Variants in FHAD1 observed in about 807,000 individuals in gnomAD.
FHAD1 encodes forkhead associated phosphopeptide binding domain 1.
In FHAD1, 146 loss-of-function variants were observed where a neutral mutation model predicts 191.3. That is an observed-to-expected ratio of 0.76 (90% confidence interval 0.67 to 0.88). FHAD1 has a LOEUF of 0.88. FHAD1 is among the 40% of genes least tolerant of loss of function. The pLI is 0.00. For synonymous variants in FHAD1, 616 were observed against 672.3 expected (o/e 0.92, Z 1.29); for missense variants, 1,635 against 1,785.8 (o/e 0.92, Z 1.52).
intron 31 of FHAD1, chr1:15,383,899 C>A: frequency 2.3e-6 from 1 of 444,390 alleles, no homozygotes; most frequent in Non-Finnish European, 4.5e-6. Context: ...ATCCCTCTGA[C>A]CCTGGTTCTC....
intron 2 of FHAD1, among the ~76,000 whole-genome samples, chr1:15,254,075 C>T (rs907396142): frequency 6.6e-6 from 1 of 151,868 alleles, no homozygotes; most frequent in African/African-American, 2.4e-5. Flanking sequence ...GACATGGTCT[C>T]CCTACAAGGA....
In FHAD1 at chr1:15,370,439, T is replaced by C. The variant is rs144710858; in HGVS notation, c.3447+937T>C. On this transcript the variant is annotated intron_variant, in intron 26 of 33. Transcript: ENST00000688493. ...TAAATGGTTGTGTAGAATTCCACTGTGTTTCTTTTTTCCAACCAGTCCCCT... is the reference window on the plus strand; with the variant it reads ...TAAATGGTTGTGTAGAATTCCACTGCGTTTCTTTTTTCCAACCAGTCCCCT... Among the ~76,000 whole-genome samples, 15 of 152,310 alleles carry C rather than the reference T, an allele frequency of 9.8e-5. No homozygotes were observed. The East Asian group carries it at 2.9e-3, about 29-fold the overall frequency.
intron 19 of FHAD1, among the ~76,000 whole-genome samples, chr1:15,349,697 A>G (rs550001372): frequency 2.6e-5 from 4 of 152,232 alleles, no homozygotes; most frequent in Non-Finnish European, 4.4e-5. Flanking sequence ...AGGTAGGTGC[A>G]TAGTAAGCAC....
At chr1:15,322,944 G>T (rs933857238) in intron 10 of FHAD1, among the ~76,000 whole-genome samples, 1 of 152,144 alleles carries the variant, frequency 6.6e-6, no homozygotes, top group South Asian at 2.1e-4. Context: ...GAATCATGGC[G>T]GGAGGCGAAA....
chr1:15,358,442 A>G (rs1443403774), intron 21 of FHAD1, among the ~76,000 whole-genome samples, 159 bp downstream of exon 21: 2 of 152,200 alleles, frequency 1.3e-5, no homozygotes, highest in African/African-American at 4.8e-5. Flanking sequence ...TGAGCATCTT[A>G]GGATATTTAG....
intron 19 of FHAD1, 93 bp downstream of exon 19, chr1:15,349,242 C>A: frequency 1.0e-6 from 1 of 983,182 alleles, no homozygotes; most frequent in Non-Finnish European, 1.5e-6. Context: ...ATATCAGAGC[C>A]ATGCCTCCCT....
At chr1:15,336,025 C>T (rs1011741430) in intron 14 of FHAD1, among the ~76,000 whole-genome samples, 3 of 152,128 alleles carry the variant, frequency 2.0e-5, no homozygotes, top group Non-Finnish European at 4.4e-5. Context: ...CAATGTCAGC[C>T]CGGCCATCTC....
Position 15,327,225 on chromosome 1 carries a change from A to T in FHAD1, c.1557+83A>T. The T allele has an allele frequency of 1.1e-6, 1 of 898,352 alleles. No individual in the cohort carries two copies. Among genetic ancestry groups the T allele is most frequent in the South Asian group, 1.6e-5 (1 of 61,800 alleles). The allele number at this position is 898,352 out of a possible 1,614,324, so 55.6% of individuals were successfully genotyped here. A position where few individuals can be genotyped will look rare whatever the true frequency, so the allele number is the denominator to read the frequency against. On this transcript the variant is annotated intron_variant, in intron 12 of 33. Coordinates refer to ENST00000688493, the MANE Select transcript of FHAD1 (RefSeq NM_001391957.1). The surrounding 1 kb of genome is among the most constrained non-coding windows in gnomAD (Gnocchi z 5.1). ...GATCTGGATTCCAGACCCTGGGAGC[A>T]TATGTTTCTGTTTTTGTTGGTGGCA... is the stretch of plus-strand genomic sequence containing the variant.
intron 7 of FHAD1, among the ~76,000 whole-genome samples, chr1:15,309,633 T>C (rs1671624159): frequency 6.6e-6 from 1 of 151,560 alleles, no homozygotes; most frequent in East Asian, 1.9e-4. Context: ...CGACACAAAT[T>C]CCTCAACTTT....
intron 23 of FHAD1, chr1:15,363,844 G>A (rs1182172253): frequency 2.2e-6 from 1 of 454,292 alleles, no homozygotes; most frequent in Admixed American, 2.4e-5. Context: ...AGGAGGCGCC[G>A]ATGGGATGCA....
intron 31 of FHAD1, among the ~76,000 whole-genome samples, chr1:15,384,737 T>C (rs1213215203): frequency 6.6e-6 from 1 of 152,158 alleles, no homozygotes; most frequent in Non-Finnish European, 1.5e-5. Context: ...AGGGAAAGAT[T>C]TGATAGGAAG....
intron 7 of FHAD1, among the ~76,000 whole-genome samples, chr1:15,310,380 C>T (rs920138539): frequency 1.3e-5 from 2 of 152,168 alleles, no homozygotes; most frequent in African/African-American, 4.8e-5. Context: ...ACTTGTGAGC[C>T]CTATGGGCAG....
intron 14 of FHAD1, among the ~76,000 whole-genome samples, chr1:15,332,896 A>G (rs1445088619): frequency 1.3e-5 from 2 of 152,158 alleles, no homozygotes; most frequent in Admixed American, 6.5e-5. Flanking sequence ...CCTTGTTAAC[A>G]CGCACCCTGG....
At chr1:15,285,849 A>G (rs1662236007) in intron 3 of FHAD1, among the ~76,000 whole-genome samples, 1 of 152,236 alleles carries the variant, frequency 6.6e-6, no homozygotes, top group Non-Finnish European at 1.5e-5. Flanking sequence ...TGTCCATGCA[A>G]TGGAATATTA....
Position 15,272,402 on chromosome 1 carries a change from C to T in FHAD1, c.173C>T (p.Ser58Phe). Residue 58 changes from serine (S) to phenylalanine (F), a missense_variant, in exon 3 of 34, where the codon TCC becomes TTC. By Grantham distance (155) the Ser-to-Phe change is radical (BLOSUM62 -2). Transcript: ENST00000688493. ...AGCTTTGTTCTCCAGGACTTCAATTCCCGCAACGGCACGTTTGTCAACGAG... is the reference window on the plus strand; with the variant it reads ...AGCTTTGTTCTCCAGGACTTCAATTTCCGCAACGGCACGTTTGTCAACGAG... ...ECSFVLQDFN[S>F]RNGTFVNECH... 3 of 1,551,732 alleles carry T rather than the reference C, an allele frequency of 1.9e-6. No homozygotes were observed. Among genetic ancestry groups the T allele is most frequent in the South Asian group, 1.2e-5 (1 of 84,054 alleles).
intron 1 of FHAD1, among the ~76,000 whole-genome samples, chr1:15,251,255 C>CA (rs1000881468): frequency 3.5e-5 from 5 of 142,786 alleles, no homozygotes; most frequent in African/African-American, 1.3e-4. Context: ...GCCTGGATGA[C>CA]AAAGTGAGAC....
chr1:15,398,908 C>T (rs961667762), downstream of FHAD1, among the ~76,000 whole-genome samples: 8 of 151,990 alleles, frequency 5.3e-5, no homozygotes, highest in Non-Finnish European at 1.2e-4. Flanking sequence ...GCAACCTCCG[C>T]CTCCCAGGTT....
intron 20 of FHAD1, among the ~76,000 whole-genome samples, chr1:15,353,653 C>T (rs1430261268): frequency 1.4e-5 from 2 of 140,324 alleles, no homozygotes; most frequent in African/African-American, 2.8e-5. Context: ...TGCAGGGAGC[C>T]GAGATTGCCC....
intron 4 of FHAD1, among the ~76,000 whole-genome samples, chr1:15,295,981 A>G (rs578210807): frequency 4.6e-5 from 7 of 152,360 alleles, no homozygotes; most frequent in Non-Finnish European, 7.3e-5. Flanking sequence ...TACTCTTCAC[A>G]GTAGCCCTTT....
Sources: gnomAD v4.1 joint callset for allele counts (sites outside exome capture counted in the v4.1 genomes callset) on GRCh38, gnomAD v4.1.1 for gene constraint, Gnocchi (gnomAD v3.1) non-coding constraint, MANE v1.5 for transcripts, NCBI Gene and HGNC (gene_info 2026-07-23, HGNC 2026-07-21) for gene names.